RSPO3: variants seen among roughly 807,000 people sequenced by gnomAD.
The protein encoded by RSPO3 is R-spondin-3.
RSPO3 carries 17 observed loss-of-function variants against 36.5 expected under a neutral mutation model. The observed-to-expected ratio is 0.47, with a 90% CI of 0.32 to 0.70. The LOEUF (loss-of-function observed/expected upper bound fraction) is 0.70, where lower values mean the gene tolerates loss of function less well. Ranked by LOEUF, RSPO3 falls within the 30% of genes least tolerant of loss-of-function variation. RSPO3 has a pLI of 0.04. For missense variants in RSPO3, 294 were observed against 322.5 expected (o/e 0.91, Z 0.68); for synonymous variants, 108 against 107.0 (o/e 1.01, Z -0.06).
chr6:127,150,344 G>A, intron 2 of RSPO3, 82 bp from the exon 3 acceptor site: 1 of 1,330,862 alleles, frequency 7.5e-7, no homozygotes, highest in South Asian at 1.4e-5. Flanking sequence ...AGTTGTGTGT[G>A]GCTGTGTCTG....
chr6:127,154,922 G>A (rs540967404), intron 3 of RSPO3, among the ~76,000 whole-genome samples: 2 of 152,228 alleles, frequency 1.3e-5, no homozygotes, highest in South Asian at 4.1e-4. Flanking sequence ...ATCAACAATT[G>A]CAGCAGTGCT....
rs373891496 is a variant in RSPO3, at chr6:127,148,778, T to C, written c.228T>C (p.Cys76=). The change falls in exon 2 of 5, where the codon TGT becomes TGC. Residue 76 remains cysteine (C), a synonymous_variant. Coordinates refer to ENST00000356698, the MANE Select transcript of RSPO3 (RefSeq NM_032784.5). ...TTGGCATGAAGCAGATTGGAGTATG[T>C]CTCTCTTCATGTCCAAGTGGATATT... is the stretch of plus-strand genomic sequence containing the variant. The part of the protein sequence containing the change: ...ERIGMKQIGV[C]LSSCPSGYYG... The C allele has an allele frequency of 8.1e-6, 13 of 1,612,996 alleles. No individual in the cohort carries two copies. The Admixed American group carries it at 1.2e-4, about 14-fold the overall frequency.
chr6:127,169,125 C>G (rs1214338855), intron 4 of RSPO3, among the ~76,000 whole-genome samples: 1 of 151,868 alleles, frequency 6.6e-6, no homozygotes, highest in African/African-American at 2.4e-5. Context: ...GCCACACTTA[C>G]TTCCACAATG....
intron 2 of RSPO3, among the ~76,000 whole-genome samples, chr6:127,150,166 G>T (rs12215555): frequency 0.038 from 5,324 of 139,386 alleles, 114 homozygotes; most frequent in South Asian, 0.069. Flanking sequence ...TATTCTTGGA[G>T]ATATATATAT....
chr6:127,130,798 T>C (rs1174163957), intron 1 of RSPO3, among the ~76,000 whole-genome samples: 1 of 152,106 alleles, frequency 6.6e-6, no homozygotes, highest in Non-Finnish European at 1.5e-5. Flanking sequence ...CATATTTGTT[T>C]CTTATAGAAT....
At chr6:127,190,714 A>C (rs1181664543) in intron 4 of RSPO3, among the ~76,000 whole-genome samples, 1 of 152,226 alleles carries the variant, frequency 6.6e-6, no homozygotes, top group East Asian at 1.9e-4. Flanking sequence ...CATTTGGGTA[A>C]AAATTATAAC....
At position 127,197,290 on chromosome 6, in the gene RSPO3, TG is replaced by T; in HGVS notation, c.*1286del. On this transcript the variant is annotated 3_prime_UTR_variant, in exon 5 of 5. Transcript: ENST00000356698. ...AATCAACATTCTAATTATAGACACA[TG>T]GGCCTCCCTAGCTGATTTCACTGCT... 1 of 1,058,856 alleles carries T rather than the reference TG, an allele frequency of 9.4e-7. No individual in the cohort carries two copies. The highest frequency in any genetic ancestry group is 1.3e-6 in the Non-Finnish European group (1 of 746,370). 65.6% of individuals were successfully genotyped at this position (1,058,856 alleles called of 1,614,324 possible). A position where few individuals can be genotyped will look rare whatever the true frequency, so the allele number is the denominator to read the frequency against.
At chr6:127,190,912 G>T (rs1775396867) in intron 4 of RSPO3, among the ~76,000 whole-genome samples, 1 of 152,110 alleles carries the variant, frequency 6.6e-6, no homozygotes, top group Admixed American at 6.5e-5. Flanking sequence ...TGATTCTAGG[G>T]AAAGCAACTC....
chr6:127,167,070 T>G (rs1774835525), intron 4 of RSPO3, among the ~76,000 whole-genome samples: 1 of 152,040 alleles, frequency 6.6e-6, no homozygotes, highest in Non-Finnish European at 1.5e-5. Flanking sequence ...TTGACTATAA[T>G]GTGTTTTGCT....
intron 4 of RSPO3, among the ~76,000 whole-genome samples, chr6:127,158,494 T>C (rs1223874137): frequency 2.0e-5 from 3 of 152,082 alleles, no homozygotes; most frequent in Admixed American, 1.3e-4. Flanking sequence ...TGTTCAGGAT[T>C]TTTTCTGCTC....
chr6:127,148,494 T>G (rs946176698), intron 1 of RSPO3, among the ~76,000 whole-genome samples, 154 bp from the exon 2 acceptor site: 4 of 151,688 alleles, frequency 2.6e-5, no homozygotes, highest in Admixed American at 6.6e-5. Flanking sequence ...AAATAAAAGA[T>G]CATAAAAAAA....
intron 4 of RSPO3, among the ~76,000 whole-genome samples, chr6:127,194,228 A>T (rs1048006962): frequency 6.6e-6 from 1 of 152,186 alleles, no homozygotes; most frequent in Non-Finnish European, 1.5e-5. Context: ...ACTGAATTCA[A>T]TATTTGCAGC....
intron 1 of RSPO3, among the ~76,000 whole-genome samples, chr6:127,131,939 T>C (rs1181928201): frequency 6.6e-6 from 1 of 151,992 alleles, no homozygotes; most frequent in Non-Finnish European, 1.5e-5. Context: ...AAATGGAGAG[T>C]CATTTTTACA....
At chr6:127,176,273 A>G (rs1258387938) in intron 4 of RSPO3, among the ~76,000 whole-genome samples, 3 of 151,764 alleles carry the variant, frequency 2.0e-5, no homozygotes, top group Non-Finnish European at 4.4e-5. Context: ...GGTTGTCCAG[A>G]TTGCATTGAC....
Position 127,197,451 on chromosome 6 carries a change from G to T in RSPO3, c.*1444G>T, listed in dbSNP as rs149378756. On this transcript the variant is annotated 3_prime_UTR_variant, in exon 5 of 5. Transcript: ENST00000356698. ...GGGATTGAAGTCACCCTAGCTGAAG[G>T]CCTCACCAGTGTTTCACAGAGGACA... The T allele has an allele frequency of 7.1e-6, 11 of 1,550,488 alleles. No homozygotes were observed. The highest frequency in any genetic ancestry group is 2.4e-5 in the East Asian group (1 of 40,898).
At chr6:127,143,858 T>G (rs536985496) in intron 1 of RSPO3, among the ~76,000 whole-genome samples, 2 of 152,214 alleles carry the variant, frequency 1.3e-5, no homozygotes, top group East Asian at 3.8e-4. Flanking sequence ...ATCATAAACA[T>G]TGAAAACAAG....
At chr6:127,192,971 C>G (rs535184211) in intron 4 of RSPO3, among the ~76,000 whole-genome samples, 5 of 152,312 alleles carry the variant, frequency 3.3e-5, no homozygotes, top group African/African-American at 1.2e-4. Flanking sequence ...ACTACAGCCA[C>G]TCTTGTGTAT....
intron 1 of RSPO3, among the ~76,000 whole-genome samples, chr6:127,146,586 T>C (rs1380668330): frequency 2.0e-5 from 3 of 152,176 alleles, no homozygotes; most frequent in African/African-American, 7.2e-5. Flanking sequence ...TTTAAAATTA[T>C]ATCATAATTG....
At position 127,197,977 on chromosome 6, in the gene RSPO3, T is replaced by A. The variant is rs1434789443; in HGVS notation, c.*1970T>A. On this transcript the variant is annotated 3_prime_UTR_variant, in exon 5 of 5. Transcript: ENST00000356698. ...ACCTTTCGGATGATTTCATATACCA[T>A]CTTTCTTCTGAGTGTTACCCAGTCA... is the stretch of plus-strand genomic sequence containing the variant. Among the ~76,000 whole-genome samples, 3 of 152,250 alleles carry A rather than the reference T, an allele frequency of 2.0e-5. No individual in the cohort carries two copies. Among genetic ancestry groups the A allele is most frequent in the African/African-American group, 7.2e-5 (3 of 41,478 alleles).
Sources: allele counts gnomAD v4.1 joint callset (sites outside exome capture counted in the v4.1 genomes callset), GRCh38; gene constraint gnomAD v4.1.1; transcripts MANE v1.5; gene names NCBI Gene and HGNC (gene_info 2026-07-23, HGNC 2026-07-21).